The following NRXN3 variants were observed in gnomAD, a reference collection of about 807,000 sequenced individuals.
The protein encoded by NRXN3 is neurexin III.
Under a neutral mutation model 137.6 loss-of-function variants are expected in NRXN3, and 32 were observed. The observed-to-expected ratio is 0.23, with a 90% CI of 0.18 to 0.31. The LOEUF (loss-of-function observed/expected upper bound fraction) is 0.31. Among genes scored for constraint, NRXN3 ranks in the 10% least tolerant of loss-of-function variants. The pLI, the probability that NRXN3 is intolerant of heterozygous loss-of-function variation, is 1.00. For synonymous variants in NRXN3, 798 were observed against 784.5 expected (o/e 1.02, Z -0.29); for missense variants, 1,574 against 2,062.5 (o/e 0.76, Z 4.59).
chr14:78,926,640 T>A (rs1462055073), intron 10 of NRXN3, among the ~76,000 whole-genome samples: 74 of 96,048 alleles, frequency 7.7e-4, no homozygotes, highest in African/African-American at 2.7e-3. Flanking sequence ...TAATATATAT[T>A]TATATATAAT....
intron 4 of NRXN3, among the ~76,000 whole-genome samples, chr14:78,595,123 G>A (rs1194719703): frequency 1.3e-5 from 2 of 152,184 alleles, no homozygotes; most frequent in African/African-American, 4.8e-5. Flanking sequence ...AATACAGGGT[G>A]GCTAGTGATT....
At chr14:79,024,988 T>C (rs954255586) in intron 15 of NRXN3, among the ~76,000 whole-genome samples, 3 of 152,136 alleles carry the variant, frequency 2.0e-5, no homozygotes, top group African/African-American at 4.8e-5. Context: ...ACAGTATAAA[T>C]GAGAAGCTGG....
chr14:78,770,363 A>T (rs1161860390), intron 8 of NRXN3, among the ~76,000 whole-genome samples: 1 of 152,172 alleles, frequency 6.6e-6, no homozygotes, highest in African/African-American at 2.4e-5. Flanking sequence ...CTTAGCCATG[A>T]TTCCTTTCAG....
chr14:79,478,277 T>C (rs1447810765), intron 16 of NRXN3, among the ~76,000 whole-genome samples: 2 of 151,434 alleles, frequency 1.3e-5, no homozygotes, highest in Non-Finnish European at 2.9e-5. Context: ...AAGGAAAGGC[T>C]AGAGGGTAGG....
chr14:78,409,809 G>T lies in NRXN3; in HGVS notation c.757+111949G>T, dbSNP rs117885560. ...TTTTCAGTTATGGTACTCTATCAGG[G>T]TTACTTTGATTATAAGTGACAGGAA... is the stretch of plus-strand genomic sequence containing the variant. On this transcript the variant is annotated intron_variant, in intron 4 of 20. Transcript: ENST00000335750. 1.4e-4 allele frequency among the ~76,000 whole-genome samples: 22 copies of T among 152,278 alleles called. No individual in the cohort carries two copies. The East Asian group carries it at 3.7e-3, about 25-fold the overall frequency.
At chr14:79,602,303 A>G (rs944634097) in intron 16 of NRXN3, among the ~76,000 whole-genome samples, 7 of 152,214 alleles carry the variant, frequency 4.6e-5, no homozygotes, top group Non-Finnish European at 7.3e-5. Context: ...TGTGCAGGCT[A>G]TAAAGCTGTT....
chr14:78,177,583 C>G (rs118106590), intron 1 of NRXN3, among the ~76,000 whole-genome samples: 2 of 151,964 alleles, frequency 1.3e-5, no homozygotes, highest in African/African-American at 4.8e-5. Context: ...AAAAGTGTCC[C>G]GGTTTGGATG....
intron 15 of NRXN3, among the ~76,000 whole-genome samples, chr14:79,273,200 A>AAAAAAAAAAAAAAAAAAAG (rs1387362455): frequency 7.8e-6 from 1 of 127,660 alleles, no homozygotes; most frequent in Non-Finnish European, 1.7e-5. Context: ...AAAAAAAAAA[A>AAAAAAAAAAAAAAAAAAAG]TGGGTGGGAG....
At position 78,369,396 on chromosome 14, in the gene NRXN3, C is replaced by T. The variant is rs1214780407; in HGVS notation, c.757+71536C>T. On this transcript the variant is annotated intron_variant, in intron 4 of 20. Coordinates refer to ENST00000335750, the MANE Select transcript of NRXN3 (RefSeq NM_001330195.2). ...ATTTCCTACTTTTGGGGATTTGTTT[C>T]TTCCCAAGTGCCTCGTGTCCAATTG... Among the ~76,000 whole-genome samples the T allele has an allele frequency of 4.6e-5, 7 of 151,868 alleles. No homozygotes were observed. In the East Asian group the frequency reaches 1.4e-3, roughly 29 times the overall value.
intron 8 of NRXN3, among the ~76,000 whole-genome samples, chr14:78,731,296 T>A (rs929926547): frequency 3.3e-5 from 5 of 152,178 alleles, no homozygotes; most frequent in South Asian, 2.1e-4. Flanking sequence ...ATAAAAATTG[T>A]CATCTGTGGG....
intron 14 of NRXN3, among the ~76,000 whole-genome samples, chr14:78,972,512 A>C (rs2099445934): frequency 6.6e-6 from 1 of 152,190 alleles, no homozygotes; most frequent in Non-Finnish European, 1.5e-5. Context: ...TATGGGCTCC[A>C]TCTGATTGCA....
chr14:78,691,987 A>C (rs1277025417), intron 6 of NRXN3, among the ~76,000 whole-genome samples: 1 of 152,224 alleles, frequency 6.6e-6, no homozygotes, highest in Admixed American at 6.5e-5. Context: ...GTGCTATAGA[A>C]GTTCCCAGAA....
intron 19 of NRXN3, among the ~76,000 whole-genome samples, chr14:79,762,220 A>G (rs771853006): frequency 3.6e-4 from 55 of 151,726 alleles, no homozygotes; most frequent in Non-Finnish European, 2.5e-4. Context: ...GCACTACGAA[A>G]TCAAGCAGGT....
chr14:79,404,179 G>A (rs555751398), intron 15 of NRXN3, among the ~76,000 whole-genome samples: 17 of 152,140 alleles, frequency 1.1e-4, no homozygotes, highest in Non-Finnish European at 1.9e-4. Context: ...CCTACACAAC[G>A]GGAGAGAATG....
intron 4 of NRXN3, among the ~76,000 whole-genome samples, chr14:78,438,649 C>T (rs1457070020): frequency 6.6e-6 from 1 of 152,112 alleles, no homozygotes; most frequent in Non-Finnish European, 1.5e-5. Flanking sequence ...CTGGGTCTGA[C>T]CCTATTGAGA....
chr14:79,246,460 T>G (rs35324588), intron 15 of NRXN3, among the ~76,000 whole-genome samples: 15,987 of 152,224 alleles, frequency 0.11, 1,115 homozygotes, highest in Middle Eastern at 0.16. Context: ...TATGCCTGGA[T>G]GCTAGCCGAT....
chr14:79,773,860 G>C lies in NRXN3; in HGVS notation c.4015-31252G>C, dbSNP rs190635058. On this transcript the variant is annotated intron_variant, in intron 19 of 20. Coordinates refer to ENST00000335750, the MANE Select transcript of NRXN3 (RefSeq NM_001330195.2). ...AAAAAAAAAGAAATCAGGCAGACTG[G>C]ATCTGGAATCTGTTCTCTTAACCTC... 3.5e-3 allele frequency among the ~76,000 whole-genome samples: 523 copies of C among 150,612 alleles called. 1 individual carries two copies. Among genetic ancestry groups the C allele is most frequent in the African/African-American group, 0.012 (491 of 41,096 alleles).
chr14:78,686,483 T>C (rs2098126968), intron 6 of NRXN3, among the ~76,000 whole-genome samples: 1 of 152,158 alleles, frequency 6.6e-6, no homozygotes, highest in South Asian at 2.1e-4. Flanking sequence ...AGAAGACGCC[T>C]CCTGGAAAGC....
At chr14:79,489,184 C>T (rs1195925979) in intron 16 of NRXN3, among the ~76,000 whole-genome samples, 1 of 152,050 alleles carries the variant, frequency 6.6e-6, no homozygotes, top group African/African-American at 2.4e-5. Flanking sequence ...TTGTGTTGGC[C>T]TATCTGCTTG....
Sources: gnomAD v4.1 joint callset for allele counts (sites outside exome capture counted in the v4.1 genomes callset) on GRCh38, gnomAD v4.1.1 for gene constraint, MANE v1.5 for transcripts, NCBI Gene and HGNC (gene_info 2026-07-23, HGNC 2026-07-21) for gene names.